OOSP3: variants seen among roughly 807,000 people sequenced by gnomAD.
The protein encoded by OOSP3 is oocyte secreted protein family member 3.
intron 2 of OOSP3, among the ~76,000 whole-genome samples, chr11:59,883,745 C>T (rs1853224095): frequency 6.6e-6 from 1 of 152,150 alleles, no homozygotes; most frequent in South Asian, 2.1e-4. Flanking sequence ...GGGGACTGCA[C>T]AATAATCCTG....
At chr11:59,885,041 G>C (rs1220709153) in intron 2 of OOSP3, among the ~76,000 whole-genome samples, 1 of 152,182 alleles carries the variant, frequency 6.6e-6, no homozygotes, top group Admixed American at 6.5e-5. Context: ...GGTTGAGGAC[G>C]TGCCCTTTTA....
chr11:59,888,099 G>A (rs1853278910), intron 2 of OOSP3, among the ~76,000 whole-genome samples: 1 of 151,998 alleles, frequency 6.6e-6, no homozygotes, highest in Non-Finnish European at 1.5e-5. Flanking sequence ...TTGGCTCTCT[G>A]CTTGTCTGTT....
intron 2 of OOSP3, among the ~76,000 whole-genome samples, chr11:59,885,618 A>G (rs1001471417): frequency 2.6e-5 from 4 of 151,778 alleles, no homozygotes; most frequent in Non-Finnish European, 4.4e-5. Flanking sequence ...ATGGCTTCCA[A>G]CTCCATCCAT....
At chr11:59,879,763 C>T (rs1284970589) in intron 1 of OOSP3, among the ~76,000 whole-genome samples, 4 of 152,164 alleles carry the variant, frequency 2.6e-5, no homozygotes, top group African/African-American at 9.7e-5. Flanking sequence ...TGCAGATCTT[C>T]ATCTTATTGG....
chr11:59,880,341 G>A, exon 2 of OOSP3: 1 of 398,532 alleles, frequency 2.5e-6, no homozygotes, highest in Non-Finnish European at 4.4e-6. Flanking sequence ...TTTGCATTCT[G>A]ATGAAGCATC....
At chr11:59,891,125 A>G (rs1033701806) in intron 2 of OOSP3, among the ~76,000 whole-genome samples, 1 of 152,164 alleles carries the variant, frequency 6.6e-6, no homozygotes, top group Admixed American at 6.5e-5. Flanking sequence ...CAGCTCCATC[A>G]GGTCATTATG....
intron 2 of OOSP3, among the ~76,000 whole-genome samples, chr11:59,882,197 A>G (rs528420661): frequency 3.5e-4 from 54 of 152,332 alleles, no homozygotes; most frequent in African/African-American, 1.3e-3. Flanking sequence ...ATCAGCCACA[A>G]TGTTATTACA....
chr11:59,886,957 AT>A (rs1022884557), intron 2 of OOSP3, among the ~76,000 whole-genome samples: 8 of 150,348 alleles, frequency 5.3e-5, no homozygotes, highest in Admixed American at 6.6e-5. Flanking sequence ...TGCCCGGCTA[AT>A]TTTTTTTTGT....
At chr11:59,884,475 G>GTCTGTCTGTCTCTCTCTC (rs1293196028) in intron 2 of OOSP3, among the ~76,000 whole-genome samples, 23 of 113,878 alleles carry the variant, frequency 2.0e-4, no homozygotes, top group African/African-American at 6.8e-4. Flanking sequence ...CTGTCTGTCT[G>GTCTGTCTGTCTCTCTCTC]TCTCTCTCTC....
chr11:59,887,109 GGTTTTTTTTTTGTT>G (rs1356537164), intron 2 of OOSP3, among the ~76,000 whole-genome samples: 1 of 148,930 alleles, frequency 6.7e-6, no homozygotes, highest in African/African-American at 2.5e-5. Flanking sequence ...ACTTTTTAAT[GGTTTTTTTTTTGTT>G]GTTTTTTTTT....
Position 59,891,597 on chromosome 11 carries a change from G to A in OOSP3, c.253-2482G>A, listed in dbSNP as rs534045958. On this transcript the variant is annotated intron_variant, in intron 2 of 4. Transcript: ENST00000646438. Reference sequence around the variant, plus strand: ...TGCCTGGGTATCGCCTGTTGAGGCCGCAGAACAGCAAAGATTGCTGCCTGT... The same window carrying A: ...TGCCTGGGTATCGCCTGTTGAGGCCACAGAACAGCAAAGATTGCTGCCTGT... Among the ~76,000 whole-genome samples the A allele has an allele frequency of 9.9e-5, 15 of 152,284 alleles. No individual in the cohort carries two copies. The South Asian group carries it at 1.7e-3, about 17-fold the overall frequency.
intron 4 of OOSP3, 71 bp downstream of exon 4, chr11:59,895,723 A>G (rs907333732): frequency 7.5e-6 from 3 of 397,734 alleles, no homozygotes; most frequent in Non-Finnish European, 1.3e-5. Context: ...ATAAGGAAGT[A>G]AAAGCTCAAA....
intron 2 of OOSP3, among the ~76,000 whole-genome samples, chr11:59,888,630 C>T (rs1853283408): frequency 1.3e-5 from 2 of 152,226 alleles, no homozygotes. Flanking sequence ...ACCAGCCTTG[C>T]ATCCTGGGGA....
At chr11:59,880,210 G>C (rs73490927) in intron 1 of OOSP3, 51 bp from the exon 2 acceptor site, 3 of 397,666 alleles carry the variant, frequency 7.5e-6, no homozygotes, top group Non-Finnish European at 1.3e-5. Context: ...TCTGGGTGTC[G>C]TTTAGCATAA....
At chr11:59,887,416 T>G (rs1382644495) in intron 2 of OOSP3, among the ~76,000 whole-genome samples, 1 of 152,202 alleles carries the variant, frequency 6.6e-6, no homozygotes, top group African/African-American at 2.4e-5. Context: ...CTTCTAGGGT[T>G]TCTATAGTTT....
chr11:59,882,617 A>T (rs892798700), intron 2 of OOSP3, among the ~76,000 whole-genome samples: 9 of 152,232 alleles, frequency 5.9e-5, no homozygotes, highest in Non-Finnish European at 1.3e-4. Flanking sequence ...GAAGGACTGT[A>T]GCAATCAGTT....
chr11:59,888,776 T>C (rs1319896497), intron 2 of OOSP3, among the ~76,000 whole-genome samples: 2 of 152,186 alleles, frequency 1.3e-5, no homozygotes, highest in Non-Finnish European at 2.9e-5. Context: ...GTTGTATCTC[T>C]GTCAGGGTTT....
chr11:59,888,989 A>T (rs1430955707), intron 2 of OOSP3, among the ~76,000 whole-genome samples: 2 of 152,102 alleles, frequency 1.3e-5, no homozygotes, highest in Non-Finnish European at 2.9e-5. Flanking sequence ...AGAACTTGTT[A>T]TTGGTCTATT....
At chr11:59,893,834 C>G (rs1590875675) in intron 2 of OOSP3, among the ~76,000 whole-genome samples, 1 of 152,190 alleles carries the variant, frequency 6.6e-6, no homozygotes, top group African/African-American at 2.4e-5. Flanking sequence ...TCTGGCAATT[C>G]AAGATTACAA....
Sources: allele counts gnomAD v4.1 joint callset (sites outside exome capture counted in the v4.1 genomes callset), GRCh38; gene constraint gnomAD v4.1.1; transcripts MANE v1.5; gene names NCBI Gene and HGNC (gene_info 2026-07-23, HGNC 2026-07-21).